MAP4K1: variants seen among roughly 807,000 people sequenced by gnomAD.
The protein encoded by MAP4K1 is mitogen-activated protein kinase kinase kinase kinase 1.
Under a neutral mutation model 122.8 loss-of-function variants are expected in MAP4K1, and 35 were observed. The ratio of observed to expected loss-of-function variants is 0.29; its 90% CI spans 0.22 to 0.38. MAP4K1 has a LOEUF of 0.38. MAP4K1 is among the 10% of genes least tolerant of loss of function. The pLI is 1.00. For missense variants in MAP4K1, 791 were observed against 1,072.6 expected (o/e 0.74, Z 3.67); for synonymous variants, 412 against 421.3 (o/e 0.98, Z 0.27).
intron 16 of MAP4K1, among the ~76,000 whole-genome samples, 172 bp from the exon 17 acceptor site, chr19:38,606,387 T>C (rs186577343): frequency 1.0e-3 from 158 of 152,296 alleles, no homozygotes; most frequent in Admixed American, 2.6e-3. Flanking sequence ...AGGCTGGACA[T>C]AGTGGCTCAT....
rs7251456 is a variant in MAP4K1 at position 38,597,821 on chromosome 19, A to T, written c.1670-227T>A. Among the ~76,000 whole-genome samples, 21,967 of 151,996 alleles carry T rather than the reference A, an allele frequency of 0.14. 2,158 individuals carry two copies. The highest frequency in any genetic ancestry group is 0.36 in the East Asian group (1,848 of 5,144). ...CTCTGGTGAACAGTGATGAGCATAA[A>T]AAATATGTTCCCTACCCTCGTGGTA... On this transcript the variant is annotated intron_variant, in intron 22 of 30. Transcript: ENST00000396857. The surrounding 1 kb of genome is among the most constrained non-coding windows in gnomAD (Gnocchi z 4.6).
At chr19:38,594,034 C>G (rs1974800665) in intron 29 of MAP4K1, among the ~76,000 whole-genome samples, 1 of 152,188 alleles carries the variant, frequency 6.6e-6, no homozygotes, top group Non-Finnish European at 1.5e-5. Flanking sequence ...CCCAAGGCCA[C>G]TCAGCTGAAT....
intron 25 of MAP4K1, 84 bp downstream of exon 25, chr19:38,596,950 T>C: frequency 7.6e-7 from 1 of 1,312,836 alleles, no homozygotes; most frequent in Non-Finnish European, 1.1e-6. Context: ...TGGGGCTTCA[T>C]GGAGCTCTTG....
At position 38,608,033 on chromosome 19, in the gene MAP4K1, C is replaced by A. The variant is rs751146640; in HGVS notation, c.1066G>T (p.Ala356Ser). 6.3e-7 allele frequency: 1 copy of A among 1,598,180 alleles called. No homozygotes were observed. Among genetic ancestry groups the A allele is most frequent in the South Asian group, 1.1e-5 (1 of 89,492 alleles). Reference protein sequence around the residue: ...GMETRPPANTARLQPPRDLRS... With the variant: ...GMETRPPANTSRLQPPRDLRS... ...AGGTCTCGAGGAGGCTGTAGGCGAGCCTGTGGGGTAGGAAAAGGGTCAGCA... is the reference window on the plus strand; with the variant it reads ...AGGTCTCGAGGAGGCTGTAGGCGAGACTGTGGGGTAGGAAAAGGGTCAGCA... The change falls in exon 15 of 31, where the codon GCT (alanine) becomes TCT (serine). Residue 356 changes from alanine (A) to serine (S), a missense_variant and splice_region_variant. By Grantham distance (99) the Ala-to-Ser change is moderately conservative (BLOSUM62 1). This residue lies in a region of MAP4K1 where 303 missense variants were observed against 344.8 expected (regional missense o/e 0.88). Coordinates refer to ENST00000396857, the MANE Select transcript of MAP4K1 (RefSeq NM_001042600.3).
In MAP4K1 at chr19:38,611,148, C is replaced by T; in HGVS notation, c.729-16G>A. ...GGCAGCCGACCTTGGGAAGAAGAAG[C>T]CAGGTTCTGGATGAGGGGACCAGAA... On this transcript the variant is annotated splice_polypyrimidine_tract_variant and intron_variant, in intron 10 of 30. Coordinates refer to ENST00000396857, the MANE Select transcript of MAP4K1 (RefSeq NM_001042600.3). 6.2e-7 allele frequency: 1 copy of T among 1,611,578 alleles called. No homozygotes were observed. Among genetic ancestry groups the T allele is most frequent in the African/African-American group, 1.3e-5 (1 of 74,934 alleles).
At chr19:38,598,801 C>G (rs1974965894) in intron 22 of MAP4K1, among the ~76,000 whole-genome samples, 1 of 151,628 alleles carries the variant, frequency 6.6e-6, no homozygotes, top group Non-Finnish European at 1.5e-5. Context: ...ATCACCAGGT[C>G]AGGAGTTCGA....
rs1974920299 is a variant in MAP4K1, at chr19:38,597,313, A to G, written c.1837+13T>C. 2 of 1,613,820 alleles carry G rather than the reference A, an allele frequency of 1.2e-6. No homozygotes were observed. Among genetic ancestry groups the G allele is most frequent in the Non-Finnish European group, 1.7e-6 (2 of 1,180,000 alleles). ...CCGCCCACTCTCTGCACACCCGTGA[A>G]GCTCTCTCTCACCCACACAGCACGC... is the stretch of plus-strand genomic sequence containing the variant. On this transcript the variant is annotated intron_variant, in intron 24 of 30. Transcript: ENST00000396857. The surrounding 1 kb of genome is among the most constrained non-coding windows in gnomAD (Gnocchi z 4.6).
intron 20 of MAP4K1, among the ~76,000 whole-genome samples, chr19:38,600,791 C>T (rs1159162525): frequency 6.7e-6 from 1 of 150,160 alleles, no homozygotes; most frequent in Non-Finnish European, 1.5e-5. Context: ...CAACTCATCC[C>T]TCTACCCATT....
chr19:38,613,874 A>T lies in MAP4K1; in HGVS notation c.533+6T>A, dbSNP rs1260985836. 2.5e-6 allele frequency: 4 copies of T among 1,603,058 alleles called. No homozygotes were observed. Among genetic ancestry groups the T allele is most frequent in the Admixed American group, 1.7e-5 (1 of 58,014 alleles). On this transcript the variant is annotated splice_donor_region_variant and intron_variant, in intron 8 of 30. Transcript: ENST00000396857. Reference sequence around the variant, plus strand: ...CACCCCTAGCTGCCCGCTGGGCGCCACTCACCAGTAGGGTGTCCCAATGAA... The same window carrying T: ...CACCCCTAGCTGCCCGCTGGGCGCCTCTCACCAGTAGGGTGTCCCAATGAA...
intron 19 of MAP4K1, among the ~76,000 whole-genome samples, chr19:38,603,985 GA>G (rs368436239): frequency 0.07 from 8,659 of 124,588 alleles, 549 homozygotes; most frequent in East Asian, 0.28. Flanking sequence ...CTCCATCTCA[GA>G]AAAAAAAAAA....
Position 38,612,727 on chromosome 19 carries a change from C to T in MAP4K1, c.549G>A (p.Val183=). Residue 183 remains valine (V), a synonymous_variant, in exon 9 of 31, where the codon GTG becomes GTA. Coordinates refer to ENST00000396857, the MANE Select transcript of MAP4K1 (RefSeq NM_001042600.3). ...ATCCTCCCTTCAGGGCCACAGCTGC[C>T]ACTTCCGGAGCCATCCTGGGGGCAG... The part of the protein sequence containing the change: ...IGTPYWMAPE[V]AAVALKGGYN... 1 of 1,613,336 alleles carries T rather than the reference C, an allele frequency of 6.2e-7. No individual in the cohort carries two copies. Among genetic ancestry groups the T allele is most frequent in the Non-Finnish European group, 8.5e-7 (1 of 1,179,700 alleles).
intron 30 of MAP4K1, 81 bp downstream of exon 30, chr19:38,593,201 C>A (rs1001139731): frequency 7.3e-6 from 10 of 1,372,346 alleles, no homozygotes; most frequent in Non-Finnish European, 1.0e-5. Flanking sequence ...CTAGAGATAC[C>A]TTGCTGGGGA....
At chr19:38,593,500 C>T (rs533840170) in intron 29 of MAP4K1, 163 bp from the exon 30 acceptor site, 13 of 475,956 alleles carry the variant, frequency 2.7e-5, no homozygotes, top group African/African-American at 8.0e-5. Flanking sequence ...GTCAGGAGTT[C>T]GAGACCAGCC....
Position 38,608,175 on chromosome 19 carries a change from G to C in MAP4K1, c.1007-5C>G. 1 of 1,508,314 alleles carries C rather than the reference G, an allele frequency of 6.6e-7. No individual in the cohort carries two copies. The highest frequency in any genetic ancestry group is 8.9e-7 in the Non-Finnish European group (1 of 1,127,910). 93.4% of individuals were successfully genotyped at this position (1,508,314 alleles called of 1,614,324 possible). ...TCCTGAACTCCATGTGCCGCCCTAGGGTGGGTGGGGGAAGATAACCTGCTG... is the reference window on the plus strand; with the variant it reads ...TCCTGAACTCCATGTGCCGCCCTAGCGTGGGTGGGGGAAGATAACCTGCTG... On this transcript the variant is annotated splice_polypyrimidine_tract_variant and splice_region_variant and intron_variant, in intron 13 of 30. Transcript: ENST00000396857.
chr19:38,605,807 C>T, intron 17 of MAP4K1, 77 bp from the exon 18 acceptor site: 1 of 1,391,914 alleles, frequency 7.2e-7, no homozygotes. Context: ...ACTCAAGTCC[C>T]TGCCTCCACC....
In MAP4K1 at chr19:38,596,292, C is replaced by CA. The variant is rs1974877453; in HGVS notation, c.2116+19dup. The CA allele has an allele frequency of 6.5e-7, 1 of 1,534,514 alleles. No homozygotes were observed. Among genetic ancestry groups the CA allele is most frequent in the Non-Finnish European group, 8.8e-7 (1 of 1,138,706 alleles). ...CGGATCTGATAAGCCCCGCCCTCAG[C>CA]AAGACTCCGCCCCACTCACCGGTGC... On this transcript the variant is annotated intron_variant, in intron 26 of 30. Transcript: ENST00000396857.
At chr19:38,602,441 C>T (rs865948019) in intron 19 of MAP4K1, among the ~76,000 whole-genome samples, 8 of 144,400 alleles carry the variant, frequency 5.5e-5, no homozygotes, top group African/African-American at 1.8e-4. Flanking sequence ...CATATATATA[C>T]ACACACACAT....
intron 4 of MAP4K1, chr19:38,614,866 G>A (rs993726054): frequency 6.2e-6 from 1 of 160,998 alleles, no homozygotes; most frequent in African/African-American, 2.7e-5. Context: ...AGGTTGCAAT[G>A]AGCCGAGATC....
At chr19:38,590,205 T>G (rs6508810) in intron 30 of MAP4K1, among the ~76,000 whole-genome samples, 136,113 of 136,114 alleles carry the variant, frequency 1, 68,056 homozygotes, top group Middle Eastern at 1. Context: ...TGCCCAAAAT[T>G]CAGAACGTGG....
Sources: gnomAD v4.1 joint callset for allele counts (sites outside exome capture counted in the v4.1 genomes callset) on GRCh38, gnomAD v4.1.1 for gene constraint, gnomAD v4.1.1 regional missense constraint, Gnocchi (gnomAD v3.1) non-coding constraint, MANE v1.5 for transcripts, NCBI Gene and HGNC (gene_info 2026-07-23, HGNC 2026-07-21) for gene names.